The following MYMX variants were observed in gnomAD, a reference collection of about 807,000 sequenced individuals.
MYMX encodes the protein protein myomixer.
At chr6:44,204,461 C>A in the MYMX span, among the ~76,000 whole-genome samples, 1 of 152,230 alleles carries the variant, frequency 6.6e-6, no homozygotes, top group East Asian at 1.9e-4. Flanking sequence ...GACTGTGCCA[C>A]CCCAAAATAT....
At chr6:44,210,866 C>T in the MYMX span, among the ~76,000 whole-genome samples, 6 of 152,186 alleles carry the variant, frequency 3.9e-5, no homozygotes, top group Admixed American at 2.6e-4. Flanking sequence ...CAGTGGCTCA[C>T]GCCTGTAATC....
chr6:44,213,483 G>A (rs142519948), upstream of MYMX, among the ~76,000 whole-genome samples: 34 of 148,398 alleles, frequency 2.3e-4, no homozygotes, highest in Admixed American at 2.3e-3. Context: ...GTGCAATGGC[G>A]CGATCTCCAC....
chr6:44,202,653 C>A, the MYMX span, among the ~76,000 whole-genome samples: 1 of 152,082 alleles, frequency 6.6e-6, no homozygotes, highest in South Asian at 2.1e-4. Flanking sequence ...TTTAGTGTTC[C>A]CGCCTTGGAG....
upstream of MYMX, among the ~76,000 whole-genome samples, chr6:44,214,503 C>T (rs1183725063): frequency 6.6e-6 from 1 of 152,212 alleles, no homozygotes; most frequent in East Asian, 1.9e-4. Context: ...GCTTAACCAT[C>T]CTGATCCCCA....
At chr6:44,208,758 G>A in the MYMX span, among the ~76,000 whole-genome samples, 1 of 152,162 alleles carries the variant, frequency 6.6e-6, no homozygotes, top group Non-Finnish European at 1.5e-5. Context: ...GTTCCTTAAG[G>A]CTCCCATTGC....
the MYMX span, among the ~76,000 whole-genome samples, chr6:44,193,725 G>A: frequency 2.7e-4 from 41 of 152,358 alleles, 1 homozygote; most frequent in Non-Finnish European, 5.9e-5. Context: ...ACTCATGCCT[G>A]TAATCCCAGC....
rs561192082 is a variant in MYMX at position 44,217,998 on chromosome 6, C to A, written c.*272C>A. On this transcript the variant is annotated 3_prime_UTR_variant, in exon 2 of 2. Transcript: ENST00000573382. ...ACTCCTAATCACCTCTGGCCTCAGGCGGGAGGGGAACTAACACCCACCCAC... is the reference window on the plus strand; with the variant it reads ...ACTCCTAATCACCTCTGGCCTCAGGAGGGAGGGGAACTAACACCCACCCAC... 3 of 314,212 alleles carry A rather than the reference C, an allele frequency of 9.5e-6. No homozygotes were observed. Among genetic ancestry groups the A allele is most frequent in the Non-Finnish European group, 1.2e-5 (2 of 172,536 alleles). 19.5% of individuals were successfully genotyped at this position (314,212 alleles called of 1,614,324 possible).
At chr6:44,194,130 AATACTC>A in the MYMX span, among the ~76,000 whole-genome samples, 2 of 152,252 alleles carry the variant, frequency 1.3e-5, no homozygotes, top group African/African-American at 4.8e-5. Context: ...ATCCAACTAG[AATACTC>A]ATCAGGTGAA....
chr6:44,211,605 ATTTCT>A, the MYMX span, among the ~76,000 whole-genome samples: 13 of 150,416 alleles, frequency 8.6e-5, no homozygotes, highest in East Asian at 1.2e-3. Context: ...AAAATACATT[ATTTCT>A]TTTCTTTTCT....
chr6:44,193,634 AC>A, the MYMX span, among the ~76,000 whole-genome samples: 1 of 152,136 alleles, frequency 6.6e-6, no homozygotes, highest in Non-Finnish European at 1.5e-5. Context: ...TGCCCTCTCC[AC>A]CTAAAATGAA....
At chr6:44,211,788 T>TTGTGTGTTTGTGTGTGTG in the MYMX span, among the ~76,000 whole-genome samples, 1 of 126,382 alleles carries the variant, frequency 7.9e-6, no homozygotes, top group African/African-American at 3.1e-5. Flanking sequence ...CAGCTAGGTT[T>TTGTGTGTTTGTGTGTGTG]TGTGTGTGTG....
chr6:44,215,135 C>A (rs1775791606), upstream of MYMX, among the ~76,000 whole-genome samples: 1 of 152,136 alleles, frequency 6.6e-6, no homozygotes. Context: ...GATGATGATG[C>A]TAGTGGCGGC....
In MYMX at chr6:44,218,023, C is replaced by T. The variant is rs1433853861; in HGVS notation, c.*297C>T. 3.6e-6 allele frequency: 1 copy of T among 278,380 alleles called. No individual in the cohort carries two copies. The allele number at this position is 278,380 out of a possible 1,614,324, so 17.2% of individuals were successfully genotyped here. A position where few individuals can be genotyped will look rare whatever the true frequency, so the allele number is the denominator to read the frequency against. ...CGGGAGGGGAACTAACACCCACCCA[C>T]CCCTGCCCTCCCTGCAAATGGGAAC... is the stretch of plus-strand genomic sequence containing the variant. On this transcript the variant is annotated 3_prime_UTR_variant, in exon 2 of 2. Transcript: ENST00000573382.
chr6:44,200,892 T>A, the MYMX span, among the ~76,000 whole-genome samples: 1 of 152,096 alleles, frequency 6.6e-6, no homozygotes, highest in Non-Finnish European at 1.5e-5. Flanking sequence ...GCTGTTGCAG[T>A]GGGGACAATG....
chr6:44,216,676 G>A (rs923980892), upstream of MYMX, among the ~76,000 whole-genome samples: 3 of 140,836 alleles, frequency 2.1e-5, no homozygotes, highest in Non-Finnish European at 3.1e-5. Flanking sequence ...AAAAAAAGAA[G>A]AAGAGAAAGA....
rs180971679 is a variant in MYMX, at chr6:44,216,953, G to A, written c.-38G>A. On this transcript the variant is annotated 5_prime_UTR_variant, in exon 1 of 2. Transcript: ENST00000573382. ...AAATCCAGCCAGAGACTGATTCTGA[G>A]CAGCAGTTCTGCCCGGTGAGAGCTG... 6.5e-6 allele frequency: 1 copy of A among 153,424 alleles called. No homozygotes were observed. Among genetic ancestry groups the A allele is most frequent in the Admixed American group, 6.5e-5 (1 of 15,304 alleles). The allele number at this position is 153,424 out of a possible 1,614,324, so 9.5% of individuals were successfully genotyped here. A position where few individuals can be genotyped will look rare whatever the true frequency, so the allele number is the denominator to read the frequency against.
At chr6:44,199,834 C>G in the MYMX span, among the ~76,000 whole-genome samples, 1 of 152,038 alleles carries the variant, frequency 6.6e-6, no homozygotes, top group African/African-American at 2.4e-5. Context: ...TAGGAGTAAG[C>G]CATCATGTCT....
the MYMX span, among the ~76,000 whole-genome samples, chr6:44,193,963 G>A: frequency 3.3e-5 from 5 of 151,864 alleles, no homozygotes; most frequent in African/African-American, 1.2e-4. Flanking sequence ...CAGCCTGGGA[G>A]ACAAGAGCAA....
the MYMX span, among the ~76,000 whole-genome samples, chr6:44,203,764 T>C: frequency 6.6e-6 from 1 of 152,216 alleles, no homozygotes; most frequent in Non-Finnish European, 1.5e-5. Context: ...CTAGTATTTA[T>C]TGCCAAGCAC....
Sources: allele counts gnomAD v4.1 joint callset (sites outside exome capture counted in the v4.1 genomes callset), GRCh38; gene constraint gnomAD v4.1.1; transcripts MANE v1.5; gene names NCBI Gene and HGNC (gene_info 2026-07-23, HGNC 2026-07-21).